HHLA1: variants seen among roughly 807,000 people sequenced by gnomAD.
HHLA1 encodes HERV-H LTR-associating protein 1.
Under a neutral mutation model 69.9 loss-of-function variants are expected in HHLA1, and 72 were observed. The observed-to-expected ratio is 1.03, with a 90% confidence interval of 0.85 to 1.25. HHLA1 has a LOEUF of 1.25. Among genes scored for constraint, HHLA1 ranks in the 50% most tolerant of loss-of-function variants. The probability of loss-of-function intolerance (pLI) is 0.00; values close to 1 mark genes in which losing one functional copy is unlikely to be tolerated. For missense variants in HHLA1, 685 were observed against 642.2 expected (o/e 1.07, Z -0.72); for synonymous variants, 252 against 233.2 (o/e 1.08, Z -0.73).
rs551070402 is a variant in HHLA1, at chr8:132,082,071, A to C, written c.677-2105T>G. Reference sequence around the variant, plus strand: ...GTCAGGTGGATCAGAGAGATACAGTAATGGGGGCCAGGTGTGGTATCAGGA... The same window carrying C: ...GTCAGGTGGATCAGAGAGATACAGTCATGGGGGCCAGGTGTGGTATCAGGA... On this transcript the variant is annotated intron_variant, in intron 10 of 16. Coordinates refer to ENST00000414222, the MANE Select transcript of HHLA1 (RefSeq NM_001145095.3). Among the ~76,000 whole-genome samples, 656 of 152,234 alleles carry C rather than the reference A, an allele frequency of 4.3e-3. 5 individuals carry two copies. Among genetic ancestry groups the C allele is most frequent in the African/African-American group, 0.015 (626 of 41,538 alleles).
chr8:132,082,380 C>A (rs1218904439), intron 10 of HHLA1, among the ~76,000 whole-genome samples: 3 of 152,172 alleles, frequency 2.0e-5, no homozygotes, highest in Admixed American at 1.3e-4. Flanking sequence ...AGAAAGGCTA[C>A]AGGGTGTGGT....
chr8:132,084,308 G>A (rs1823821053), intron 10 of HHLA1, among the ~76,000 whole-genome samples: 1 of 151,998 alleles, frequency 6.6e-6, no homozygotes, highest in Admixed American at 6.5e-5. Flanking sequence ...GGGGAGGAAG[G>A]GAGAGGTCAG....
At chr8:132,089,642 C>T in intron 7 of HHLA1, 43 bp from the exon 8 acceptor site, 1 of 949,434 alleles carries the variant, frequency 1.1e-6, no homozygotes, top group South Asian at 1.4e-5. Context: ...GCTTCAGAGA[C>T]AAAAGGAGAA....
intron 14 of HHLA1, among the ~76,000 whole-genome samples, chr8:132,075,820 A>AAACAGGC (rs1322651267): frequency 6.6e-6 from 1 of 152,234 alleles, no homozygotes; most frequent in Non-Finnish European, 1.5e-5. Context: ...AAAGATAAAA[A>AAACAGGC]AACAGGCATT....
chr8:132,103,190 TAC>T (rs1563750068), intron 3 of HHLA1, among the ~76,000 whole-genome samples: 1 of 152,230 alleles, frequency 6.6e-6, no homozygotes, highest in Non-Finnish European at 1.5e-5. Context: ...TTATCCTACT[TAC>T]ACACAATAAA....
intron 10 of HHLA1, chr8:132,080,242 G>A (rs995527884): frequency 2.0e-6 from 1 of 489,040 alleles, no homozygotes; most frequent in Non-Finnish European, 3.9e-6. Flanking sequence ...TAAATTTCAT[G>A]TGCGTCCGTG....
At chr8:132,080,457 G>T (rs1823731688) in intron 10 of HHLA1, 2 of 266,866 alleles carry the variant, frequency 7.5e-6, no homozygotes, top group East Asian at 1.1e-4. Flanking sequence ...GTGCTCAGTG[G>T]GGGTGCTTTT....
In HHLA1 at chr8:132,098,915, G is replaced by T; in HGVS notation, c.247C>A (p.Leu83Ile). ...GCTCTACTGAGCATCCCATTCACAAGCTCTGTCAGGTTAAGCGCGGACAGA... is the reference window on the plus strand; with the variant it reads ...GCTCTACTGAGCATCCCATTCACAATCTCTGTCAGGTTAAGCGCGGACAGA... ...IDLSALNLTE[L>I]VNGMLSRALK... The change falls in exon 5 of 17, where the codon CTT (leucine) becomes ATT (isoleucine). Residue 83 changes from leucine (L) to isoleucine (I), a missense_variant. By Grantham distance (5) the Leu-to-Ile change is conservative (BLOSUM62 2). Transcript: ENST00000414222. 6.4e-7 allele frequency: 1 copy of T among 1,551,250 alleles called. No homozygotes were observed. The highest frequency in any genetic ancestry group is 8.7e-7 in the Non-Finnish European group (1 of 1,146,556).
chr8:132,079,616 T>G (rs1823704525), intron 11 of HHLA1, 102 bp downstream of exon 11: 1 of 1,262,984 alleles, frequency 7.9e-7, no homozygotes, highest in Non-Finnish European at 1.1e-6. Flanking sequence ...CTTCAGTTGG[T>G]GGAGAAGGGA....
In HHLA1 at chr8:132,077,879, C is replaced by T; in HGVS notation, c.1018G>A (p.Glu340Lys). The T allele has an allele frequency of 6.4e-7, 1 of 1,551,466 alleles. No homozygotes were observed. The highest frequency in any genetic ancestry group is 8.7e-7 in the Non-Finnish European group (1 of 1,146,940). The change falls in exon 12 of 17, where the codon GAG becomes AAG. Residue 340 changes from glutamate (E) to lysine (K), a missense_variant. Glu to Lys is a moderately conservative substitution (Grantham distance 56). Coordinates refer to ENST00000414222, the MANE Select transcript of HHLA1 (RefSeq NM_001145095.3). Reference protein sequence around the residue: ...SSVPWAQTISEKKPGGSLWET... With the variant: ...SSVPWAQTISKKKPGGSLWET... ...CAGAGAGACCCTCCAGGTTTTTTCT[C>T]ACTGATGGTCTGAGCCCAGGGCACG...
intron 5 of HHLA1, among the ~76,000 whole-genome samples, chr8:132,097,244 G>A (rs899131429): frequency 6.6e-6 from 1 of 152,148 alleles, no homozygotes; most frequent in Non-Finnish European, 1.5e-5. Context: ...ATAGCACTTG[G>A]TAAAAATATA....
At chr8:132,081,576 T>G (rs1413007858) in intron 10 of HHLA1, among the ~76,000 whole-genome samples, 2 of 152,180 alleles carry the variant, frequency 1.3e-5, no homozygotes, top group East Asian at 3.9e-4. Context: ...CAGACTGTAT[T>G]GAGGTGGGAA....
At chr8:132,091,360 C>G (rs980828069) in intron 7 of HHLA1, among the ~76,000 whole-genome samples, 1 of 152,134 alleles carries the variant, frequency 6.6e-6, no homozygotes, top group Non-Finnish European at 1.5e-5. Flanking sequence ...AGGTTTTGCC[C>G]AAGGCTCAGA....
Position 132,076,462 on chromosome 8 carries a change from C to T in HHLA1, c.1240+13G>A, listed in dbSNP as rs1364771446. Reference sequence around the variant, plus strand: ...CCACCCCCAAACCCCCACTTCCGTACTGAGTTTCTCACCTGTTTGTGGATA... The same window carrying T: ...CCACCCCCAAACCCCCACTTCCGTATTGAGTTTCTCACCTGTTTGTGGATA... On this transcript the variant is annotated intron_variant, in intron 13 of 16. Transcript: ENST00000414222. The T allele has an allele frequency of 2.1e-6, 2 of 974,990 alleles. No homozygotes were observed. Among genetic ancestry groups the T allele is most frequent in the Admixed American group, 2.5e-5 (1 of 40,434 alleles). 60.4% of individuals were successfully genotyped at this position (974,990 alleles called of 1,614,324 possible).
intron 8 of HHLA1, 32 bp from the exon 9 acceptor site, chr8:132,087,933 A>C (rs767961437): frequency 2.0e-6 from 3 of 1,492,440 alleles, no homozygotes; most frequent in Non-Finnish European, 2.7e-6. Context: ...AATAAGACTT[A>C]GCCATGGGTC....
chr8:132,094,996 A>T (rs942940421), intron 7 of HHLA1, among the ~76,000 whole-genome samples: 1 of 152,218 alleles, frequency 6.6e-6, no homozygotes, highest in Non-Finnish European at 1.5e-5. Context: ...GGGAAAAAAA[A>T]GTTCAGATAA....
intron 10 of HHLA1, among the ~76,000 whole-genome samples, chr8:132,085,002 G>A (rs1182294822): frequency 6.6e-6 from 1 of 151,680 alleles, no homozygotes; most frequent in African/African-American, 2.4e-5. Flanking sequence ...AGGGGTTGAG[G>A]GGTATTTGCC....
intron 12 of HHLA1, among the ~76,000 whole-genome samples, chr8:132,077,486 G>C (rs534139565): frequency 5.0e-4 from 76 of 152,140 alleles, no homozygotes; most frequent in Non-Finnish European, 9.6e-4. Flanking sequence ...AAATTGGGGA[G>C]TGCGATTACA....
At chr8:132,084,597 G>T (rs766071522) in intron 10 of HHLA1, among the ~76,000 whole-genome samples, 1 of 152,114 alleles carries the variant, frequency 6.6e-6, no homozygotes, top group African/African-American at 2.4e-5. Context: ...GGGGTCAAGC[G>T]GCATTGCAGA....
Sources: allele counts gnomAD v4.1 joint callset (sites outside exome capture counted in the v4.1 genomes callset), GRCh38; gene constraint gnomAD v4.1.1; transcripts MANE v1.5; gene names NCBI Gene and HGNC (gene_info 2026-07-23, HGNC 2026-07-21).